Variants in GRM1 observed in about 807,000 individuals in gnomAD.
The protein encoded by GRM1 is glutamate metabotropic receptor 1, also known as metabotropic glutamate receptor 1.
GRM1 carries 33 observed loss-of-function variants against 90.9 expected under a neutral mutation model. That is an observed-to-expected ratio of 0.36 (90% CI 0.28 to 0.49). The LOEUF (loss-of-function observed/expected upper bound fraction) is 0.49. Among genes scored for constraint, GRM1 ranks in the 20% least tolerant of loss-of-function variants. GRM1 has a pLI of 0.99. For synonymous variants in GRM1, 700 were observed against 613.2 expected (o/e 1.14, Z -2.09); for missense variants, 1,190 against 1,534.3 (o/e 0.78, Z 3.75).
intron 7 of GRM1, among the ~76,000 whole-genome samples, chr6:146,401,632 AT>A (rs1397459379): frequency 1.3e-5 from 2 of 152,126 alleles, no homozygotes; most frequent in African/African-American, 4.8e-5. Context: ...ATTCCACTCC[AT>A]GTTTCTAATT....
chr6:146,041,134 C>T (rs549214831), intron 1 of GRM1, among the ~76,000 whole-genome samples: 2 of 152,048 alleles, frequency 1.3e-5, no homozygotes, highest in East Asian at 1.9e-4. Context: ...TTAAATTTCT[C>T]TGATAACTTT....
intron 1 of GRM1, among the ~76,000 whole-genome samples, chr6:146,056,850 C>A (rs1775498350): frequency 6.6e-6 from 1 of 152,118 alleles, no homozygotes; most frequent in Non-Finnish European, 1.5e-5. Context: ...ATACTGTCAA[C>A]TTGTCTCTGA....
chr6:146,360,337 T>C (rs1456852064), intron 5 of GRM1, among the ~76,000 whole-genome samples: 1 of 152,018 alleles, frequency 6.6e-6, no homozygotes, highest in African/African-American at 2.4e-5. Context: ...ATCTTATAAA[T>C]ATAATATCTC....
intron 6 of GRM1, among the ~76,000 whole-genome samples, chr6:146,396,680 G>T (rs763708537): frequency 6.6e-6 from 1 of 152,118 alleles, no homozygotes; most frequent in Non-Finnish European, 1.5e-5. Flanking sequence ...ATAAGACTTT[G>T]TGTATGTATG....
chr6:146,092,840 T>C (rs2128867954), intron 1 of GRM1, among the ~76,000 whole-genome samples: 1 of 152,256 alleles, frequency 6.6e-6, no homozygotes, highest in Non-Finnish European at 1.5e-5. Context: ...TCAATGAAAG[T>C]TAGGATCTTA....
chr6:146,373,468 G>T (rs1775978144), intron 5 of GRM1, among the ~76,000 whole-genome samples: 1 of 152,052 alleles, frequency 6.6e-6, no homozygotes, highest in African/African-American at 2.4e-5. Context: ...TCTATCGTGA[G>T]ACAGCACTAG....
chr6:146,421,630 A>G (rs948884613), intron 7 of GRM1, among the ~76,000 whole-genome samples: 4 of 152,150 alleles, frequency 2.6e-5, no homozygotes, highest in Non-Finnish European at 5.9e-5. Context: ...AAATGTTAAT[A>G]TTTGTCAAAT....
intron 1 of GRM1, among the ~76,000 whole-genome samples, chr6:146,138,686 A>T (rs564726608): frequency 6.6e-6 from 1 of 152,012 alleles, no homozygotes; most frequent in African/African-American, 2.4e-5. Flanking sequence ...GTACCTTCTA[A>T]TGATCCTTTC....
intron 1 of GRM1, among the ~76,000 whole-genome samples, chr6:146,095,379 G>A (rs760445299): frequency 3.3e-5 from 5 of 152,128 alleles, no homozygotes; most frequent in Non-Finnish European, 5.9e-5. Flanking sequence ...TAGCTATTTA[G>A]TGAAGCACAT....
chr6:146,311,634 G>A (rs1233480269), intron 3 of GRM1, among the ~76,000 whole-genome samples: 2 of 152,126 alleles, frequency 1.3e-5, no homozygotes, highest in African/African-American at 2.4e-5. Context: ...GAAACCTTCA[G>A]TTCCTCAGTT....
intron 1 of GRM1, among the ~76,000 whole-genome samples, chr6:146,098,773 C>G (rs983143407): frequency 6.6e-6 from 1 of 151,942 alleles, no homozygotes; most frequent in Non-Finnish European, 1.5e-5. Context: ...CTCATGAGAT[C>G]TGATGGTTTT....
intron 2 of GRM1, among the ~76,000 whole-genome samples, chr6:146,228,194 CT>C (rs988195987): frequency 2.6e-5 from 4 of 152,164 alleles, no homozygotes; most frequent in African/African-American, 9.7e-5. Flanking sequence ...GTGTTTTAGT[CT>C]GTTTTCTTTC....
chr6:146,069,267 G>A (rs1472841483), intron 1 of GRM1, among the ~76,000 whole-genome samples: 1 of 151,970 alleles, frequency 6.6e-6, no homozygotes, highest in Non-Finnish European at 1.5e-5. Context: ...GAACTTACTG[G>A]TTATTTTGAA....
At chr6:146,335,224 C>T (rs188921093) in intron 3 of GRM1, among the ~76,000 whole-genome samples, 2 of 152,244 alleles carry the variant, frequency 1.3e-5, no homozygotes, top group East Asian at 3.9e-4. Context: ...GGTTTTGAAA[C>T]TCAGCCAGGG....
intron 1 of GRM1, among the ~76,000 whole-genome samples, chr6:146,143,861 A>G (rs536159357): frequency 1.4e-4 from 21 of 152,324 alleles, no homozygotes; most frequent in African/African-American, 4.8e-4. Flanking sequence ...AACCTTAGAG[A>G]TTTCCTAGTA....
At chr6:146,041,582 TG>T (rs1041601756) in intron 1 of GRM1, among the ~76,000 whole-genome samples, 1 of 151,922 alleles carries the variant, frequency 6.6e-6, no homozygotes, top group African/African-American at 2.4e-5. Context: ...TTTGGGAGGC[TG>T]ACTAGGAGTT....
chr6:146,434,378 G>C lies in GRM1; in HGVS notation c.3167G>C (p.Gly1056Ala), dbSNP rs1299303053. 4.3e-6 allele frequency: 7 copies of C among 1,613,190 alleles called. No individual in the cohort carries two copies. The highest frequency in any genetic ancestry group is 5.9e-6 in the Non-Finnish European group (7 of 1,179,628). Residue 1056 changes from glycine to alanine, a missense_variant, in exon 8 of 8, where the codon GGT becomes GCT. Coordinates refer to ENST00000282753, the MANE Select transcript of GRM1 (RefSeq NM_001278064.2). ...TTTCACGCGGTGCTGGCAGGCCCCG[G>C]TGGTCCCGGGAACGGGCTGCGGTCC... ...PDFHAVLAGP[G>A]GPGNGLRSLY... is the part of the protein sequence containing the mutation.
intron 7 of GRM1, among the ~76,000 whole-genome samples, chr6:146,410,246 T>C (rs1281213912): frequency 6.6e-6 from 1 of 152,178 alleles, no homozygotes. Flanking sequence ...AAGGTTTTTA[T>C]AATTCAGTCC....
At chr6:146,424,554 A>T (rs1470735008) in intron 7 of GRM1, among the ~76,000 whole-genome samples, 1 of 152,240 alleles carries the variant, frequency 6.6e-6, no homozygotes, top group African/African-American at 2.4e-5. Flanking sequence ...CAAAACACAA[A>T]TTAAAAGATA....
Sources: gnomAD v4.1 joint callset for allele counts (sites outside exome capture counted in the v4.1 genomes callset) on GRCh38, gnomAD v4.1.1 for gene constraint, MANE v1.5 for transcripts, NCBI Gene and HGNC (gene_info 2026-07-23, HGNC 2026-07-21) for gene names.